The following PRDX2 variants were observed in gnomAD, a reference collection of about 807,000 sequenced individuals.
PRDX2 encodes the protein peroxiredoxin 2, also known as peroxiredoxin-2.
In PRDX2, 10 loss-of-function variants were observed where a neutral mutation model predicts 19.8. The ratio of observed to expected loss-of-function variants is 0.50; its 90% confidence interval spans 0.31 to 0.86. The LOEUF (loss-of-function observed/expected upper bound fraction) is 0.86, where lower values mean the gene tolerates loss of function less well. Among genes scored for constraint, PRDX2 ranks in the 40% least tolerant of loss-of-function variants. The pLI, the probability that PRDX2 is intolerant of heterozygous loss-of-function variation, is 0.04. For synonymous variants in PRDX2, 118 were observed against 108.2 expected, an observed-to-expected ratio of 1.09 and a Z score of -0.56; for missense variants, 226 against 260.1, an observed-to-expected ratio of 0.87 and a Z score of 0.90.
chr19:12,801,700 A>C (rs1968901847), intron 1 of PRDX2, 40 bp downstream of exon 1: 1 of 293,478 alleles, frequency 3.4e-6, no homozygotes, highest in African/African-American at 2.2e-5. Flanking sequence ...AAGCAGCCTG[A>C]AGGGGGTCCT....
At chr19:12,798,714 G>A (rs372430755) in intron 5 of PRDX2, among the ~76,000 whole-genome samples, 1 of 149,154 alleles carries the variant, frequency 6.7e-6, no homozygotes, top group African/African-American at 2.5e-5. Context: ...AAAAGAGATG[G>A]GGTATTGCTA....
intron 3 of PRDX2, 119 bp from the exon 4 acceptor site, chr19:12,800,418 G>A (rs552862926): frequency 4.1e-5 from 55 of 1,333,520 alleles, no homozygotes; most frequent in South Asian, 5.7e-5. Context: ...AGAGTAGGCC[G>A]CTGGGAGCCT....
In PRDX2 at chr19:12,801,210, T is replaced by A. The variant is rs781525583; in HGVS notation, c.52A>T (p.Thr18Ser). 5 of 1,613,970 alleles carry A rather than the reference T, an allele frequency of 3.1e-6. No homozygotes were observed. The highest frequency in any genetic ancestry group is 4.2e-6 in the Non-Finnish European group (5 of 1,180,030). Residue 18 changes from threonine to serine, a missense_variant, in exon 2 of 6, where the codon ACA (threonine) becomes TCA (serine). By Grantham distance (58) the Thr-to-Ser change is moderately conservative. Coordinates refer to ENST00000301522, the MANE Select transcript of PRDX2 (RefSeq NM_005809.6). Reference sequence around the variant, plus strand: ...TTGAAGGCGCCATCAACCACCGCTGTGGCCTTGAAGTCAGGGGCTGGCTTT... The same window carrying A: ...TTGAAGGCGCCATCAACCACCGCTGAGGCCTTGAAGTCAGGGGCTGGCTTT... ...IGKPAPDFKA[T>S]AVVDGAFKEV...
Position 12,799,277 on chromosome 19 carries a change from A to G in PRDX2, c.511+582T>C, listed in dbSNP as rs558520737. On this transcript the variant is annotated intron_variant, in intron 5 of 5. Coordinates refer to ENST00000301522, the MANE Select transcript of PRDX2 (RefSeq NM_005809.6). ...CAGTGGTGCGATCACAGCTTACTGCAGCCTTGACCTCCCAGGCTCAAGTGA... is the reference window on the plus strand; with the variant it reads ...CAGTGGTGCGATCACAGCTTACTGCGGCCTTGACCTCCCAGGCTCAAGTGA... Among the ~76,000 whole-genome samples, 12 of 152,042 alleles carry G rather than the reference A, an allele frequency of 7.9e-5. 1 individual carries two copies. Among genetic ancestry groups the G allele is most frequent in the Admixed American group, 2.0e-4 (3 of 15,270 alleles).
chr19:12,799,739 C>T, intron 5 of PRDX2, 120 bp downstream of exon 5: 1 of 1,363,016 alleles, frequency 7.3e-7, no homozygotes, highest in Non-Finnish European at 1.0e-6. Flanking sequence ...AAGCCCTGAG[C>T]TGAATCTTCT....
chr19:12,800,004 G>A lies in PRDX2; in HGVS notation c.381-15C>T, dbSNP rs369549774. On this transcript the variant is annotated splice_polypyrimidine_tract_variant and intron_variant, in intron 4 of 5. Transcript: ENST00000301522. ...TAAAGAGGCCCCTGAAGACATCAGG[G>A]TTCCCAGTGAGGAGCTGATAGCTCC... The A allele has an allele frequency of 4.8e-5, 78 of 1,612,604 alleles. No homozygotes were observed. The highest frequency in any genetic ancestry group is 6.0e-5 in the Non-Finnish European group (71 of 1,179,402).
intron 3 of PRDX2, 108 bp downstream of exon 3, chr19:12,800,808 A>T (rs1402591959): frequency 9.0e-6 from 14 of 1,549,332 alleles, no homozygotes; most frequent in Admixed American, 2.0e-5. Flanking sequence ...TATTTTCACG[A>T]TGGGGAAACG....
chr19:12,797,507 G>A (rs1641183669), intron 5 of PRDX2, among the ~76,000 whole-genome samples: 1 of 151,606 alleles, frequency 6.6e-6, no homozygotes, highest in Non-Finnish European at 1.5e-5. Flanking sequence ...TTTTGGTAGA[G>A]ACCATGTTAG....
At chr19:12,800,055 A>G in intron 4 of PRDX2, 66 bp from the exon 5 acceptor site, 1 of 1,602,878 alleles carries the variant, frequency 6.2e-7, no homozygotes, top group South Asian at 1.1e-5. Flanking sequence ...GGAAGGGACT[A>G]CCAACCACCC....
In PRDX2 at chr19:12,798,494, G is replaced by A. The variant is rs376050848; in HGVS notation, c.512-1328C>T. 6.6e-5 allele frequency among the ~76,000 whole-genome samples: 10 copies of A among 151,992 alleles called. 1 individual carries two copies. The East Asian group carries it at 1.2e-3, about 18-fold the overall frequency. On this transcript the variant is annotated intron_variant, in intron 5 of 5. Coordinates refer to ENST00000301522, the MANE Select transcript of PRDX2 (RefSeq NM_005809.6). The stretch of plus-strand genomic sequence containing the variant: ...AGCCTCCCAAGTAGCTGGGATTACA[G>A]GCATGCACCACCAGGCTGGGCTAAT...
At position 12,800,003 on chromosome 19, in the gene PRDX2, G is replaced by T; in HGVS notation, c.381-14C>A. On this transcript the variant is annotated splice_polypyrimidine_tract_variant and intron_variant, in intron 4 of 5. Transcript: ENST00000301522. Reference sequence around the variant, plus strand: ...ATAAAGAGGCCCCTGAAGACATCAGGGTTCCCAGTGAGGAGCTGATAGCTC... The same window carrying T: ...ATAAAGAGGCCCCTGAAGACATCAGTGTTCCCAGTGAGGAGCTGATAGCTC... 6.2e-7 allele frequency: 1 copy of T among 1,612,752 alleles called. No individual in the cohort carries two copies. The highest frequency in any genetic ancestry group is 1.3e-5 in the African/African-American group (1 of 74,974).
In PRDX2 at chr19:12,800,267, C is replaced by A; in HGVS notation, c.290G>T (p.Gly97Val). 3 of 1,613,428 alleles carry A rather than the reference C, an allele frequency of 1.9e-6. No individual in the cohort carries two copies. The highest frequency in any genetic ancestry group is 2.5e-6 in the Non-Finnish European group (3 of 1,179,818). ...AGCAAGCAGGGGGATGTTCAGGGGG[C>A]CCAAGCCTCCCTCTTTCCGGGGGGT... is the stretch of plus-strand genomic sequence containing the variant. ...INTPRKEGGL[G>V]PLNIPLLADV... is the part of the protein sequence containing the mutation. The change falls in exon 4 of 6, where the codon GGC becomes GTC. Residue 97 changes from glycine to valine, a missense_variant. Physicochemically the swap from Gly to Val is moderately radical, Grantham distance 109. Coordinates refer to ENST00000301522, the MANE Select transcript of PRDX2 (RefSeq NM_005809.6).
Position 12,800,283 on chromosome 19 carries a change from T to TC in PRDX2, c.273dup (p.Lys92GlufsTer15). Reference sequence around the variant, plus strand: ...TTCAGGGGGCCCAAGCCTCCCTCTTTCCGGGGGGTGTTGATCCTGGGAGTA... The same window carrying TC: ...TTCAGGGGGCCCAAGCCTCCCTCTTTCCCGGGGGGTGTTGATCCTGGGAGTA... On this transcript the variant is annotated frameshift_variant, in exon 4 of 6. Transcript: ENST00000301522. LOFTEE classifies it high-confidence loss of function. The TC allele has an allele frequency of 1.2e-6, 2 of 1,612,764 alleles. No individual in the cohort carries two copies. Among genetic ancestry groups the TC allele is most frequent in the Non-Finnish European group, 1.7e-6 (2 of 1,179,606 alleles).
In PRDX2 at chr19:12,798,264, C is replaced by G. The variant is rs149193500; in HGVS notation, c.512-1098G>C. The stretch of plus-strand genomic sequence containing the variant: ...GTTTCACCGCGTTAGCTAGGATGGT[C>G]TCGATCTCCTGACCTCTTGATCCGC... On this transcript the variant is annotated intron_variant, in intron 5 of 5. Coordinates refer to ENST00000301522, the MANE Select transcript of PRDX2 (RefSeq NM_005809.6). 1.7e-3 allele frequency among the ~76,000 whole-genome samples: 262 copies of G among 152,144 alleles called. 1 individual carries two copies. The highest frequency in any genetic ancestry group is 5.8e-3 in the African/African-American group (240 of 41,498).
chr19:12,798,854 G>C (rs10405263), intron 5 of PRDX2, among the ~76,000 whole-genome samples: 4,648 of 151,898 alleles, frequency 0.031, 81 homozygotes, highest in African/African-American at 0.049. Context: ...TGTCTTTTTG[G>C]CTCCTTTAGT....
At chr19:12,800,612 A>G (rs1968874767) in intron 3 of PRDX2, 2 of 1,213,062 alleles carry the variant, frequency 1.6e-6, no homozygotes, top group African/African-American at 3.1e-5. Context: ...ACAGCCCTTC[A>G]CTTCGGTGAA....
chr19:12,800,941 C>T lies in PRDX2; in HGVS notation c.232G>A (p.Asp78Asn). 1.9e-6 allele frequency: 3 copies of T among 1,611,022 alleles called. No homozygotes were observed. The highest frequency in any genetic ancestry group is 2.5e-6 in the Non-Finnish European group (3 of 1,179,386). ...CAAGCCAGGTGGGTGAACTGAGAGT[C>T]CACCGAGACGCCCAGCACTTCACAG... ...LGCEVLGVSV[D>N]SQFTHLAWIN... Residue 78 changes from aspartate to asparagine, a missense_variant, in exon 3 of 6, where the codon GAC becomes AAC. Asp to Asn is a conservative substitution (Grantham distance 23, BLOSUM62 1). Transcript: ENST00000301522.
Position 12,801,219 on chromosome 19 carries a change from A to G in PRDX2, c.43T>C (p.Phe15Leu), listed in dbSNP as rs140329204. The G allele has an allele frequency of 6.8e-6, 11 of 1,613,888 alleles. No individual in the cohort carries two copies. Among genetic ancestry groups the G allele is most frequent in the Non-Finnish European group, 9.3e-6 (11 of 1,179,996 alleles). The change falls in exon 2 of 6, where the codon TTC becomes CTC. Residue 15 changes from phenylalanine (F) to leucine (L), a missense_variant. Coordinates refer to ENST00000301522, the MANE Select transcript of PRDX2 (RefSeq NM_005809.6). ...CCATCAACCACCGCTGTGGCCTTGA[A>G]GTCAGGGGCTGGCTTTCCGATGCGC... Reference protein sequence around the residue: ...NARIGKPAPDFKATAVVDGAF... With the variant: ...NARIGKPAPDLKATAVVDGAF...
intron 5 of PRDX2, among the ~76,000 whole-genome samples, chr19:12,797,692 C>G (rs555922633): frequency 2.3e-5 from 3 of 130,714 alleles, no homozygotes; most frequent in Non-Finnish European, 3.1e-5. Context: ...GAGTCCTCCT[C>G]TGTTGCCCAG....
Sources: gnomAD v4.1 joint callset for allele counts (sites outside exome capture counted in the v4.1 genomes callset) on GRCh38, gnomAD v4.1.1 for gene constraint, MANE v1.5 for transcripts, NCBI Gene and HGNC (gene_info 2026-07-23, HGNC 2026-07-21) for gene names.